CDC42BPA: variants seen among roughly 807,000 people sequenced by gnomAD.
CDC42BPA encodes CDC42 binding protein kinase alpha.
Under a neutral mutation model 223.5 loss-of-function variants are expected in CDC42BPA, and 80 were observed. The ratio of observed to expected loss-of-function variants is 0.36; its 90% CI spans 0.30 to 0.43. The LOEUF is 0.43. CDC42BPA is among the 20% of genes least tolerant of loss of function. The pLI is 1.00. For synonymous variants in CDC42BPA, 694 were observed against 718.6 expected, an observed-to-expected ratio of 0.97 and a Z score of 0.55; for missense variants, 1,743 against 2,099.9, an observed-to-expected ratio of 0.83 and a Z score of 3.32.
At chr1:227,043,840 G>A (rs1315861416) in intron 23 of CDC42BPA, among the ~76,000 whole-genome samples, 1 of 152,098 alleles carries the variant, frequency 6.6e-6, no homozygotes, top group Non-Finnish European at 1.5e-5. Context: ...GTTGCCTAAT[G>A]AATCTGTATG....
intron 22 of CDC42BPA, 62 bp from the exon 23 acceptor site, chr1:227,048,072 A>G: frequency 1.0e-6 from 1 of 984,680 alleles, no homozygotes; most frequent in South Asian, 1.7e-5. Context: ...TTCAAATATA[A>G]CTAGAAAGAA....
intron 14 of CDC42BPA, among the ~76,000 whole-genome samples, chr1:227,110,419 G>A (rs1254991380): frequency 6.6e-6 from 1 of 152,036 alleles, no homozygotes; most frequent in Non-Finnish European, 1.5e-5. Flanking sequence ...TTGGCAAGTA[G>A]GTAAACATGA....
Position 226,993,467 on chromosome 1 carries a change from T to C in CDC42BPA, c.*801A>G, listed in dbSNP as rs1660994537. On this transcript the variant is annotated 3_prime_UTR_variant, in exon 37 of 37. Coordinates refer to ENST00000366766, the MANE Select transcript of CDC42BPA (RefSeq NM_001394014.1). ...ATGCCCCAAACCAGCAAAACCTGGC[T>C]CTGCAAGTGTTTTCTACAGCTCCCC... 1 of 152,414 alleles carries C rather than the reference T, an allele frequency of 6.6e-6. No individual in the cohort carries two copies. The highest frequency in any genetic ancestry group is 2.1e-4 in the South Asian group (1 of 4,830). 9.4% of individuals were successfully genotyped at this position (152,414 alleles called of 1,614,324 possible). A position where few individuals can be genotyped will look rare whatever the true frequency, so the allele number is the denominator to read the frequency against.
intron 1 of CDC42BPA, among the ~76,000 whole-genome samples, chr1:227,288,294 G>A (rs1419076387): frequency 6.6e-6 from 1 of 152,164 alleles, no homozygotes; most frequent in Non-Finnish European, 1.5e-5. Context: ...AGGATCACTT[G>A]AGCCCAGGAG....
intron 23 of CDC42BPA, among the ~76,000 whole-genome samples, chr1:227,044,444 C>A (rs1572449699): frequency 6.6e-6 from 1 of 152,230 alleles, no homozygotes; most frequent in African/African-American, 2.4e-5. Flanking sequence ...TTTTTAAAAT[C>A]AAATTAATAC....
At chr1:227,155,089 A>C (rs1235374649) in intron 6 of CDC42BPA, among the ~76,000 whole-genome samples, 1 of 152,188 alleles carries the variant, frequency 6.6e-6, no homozygotes, top group African/African-American at 2.4e-5. Context: ...ACTTGGGAAA[A>C]GCTCGTAGAT....
At chr1:227,133,899 C>T (rs976572477) in intron 10 of CDC42BPA, among the ~76,000 whole-genome samples, 5 of 151,884 alleles carry the variant, frequency 3.3e-5, no homozygotes, top group African/African-American at 1.2e-4. Flanking sequence ...GACATTCCCT[C>T]CACTATTGTC....
chr1:227,076,673 A>G (rs1679550261), intron 17 of CDC42BPA, among the ~76,000 whole-genome samples: 1 of 152,166 alleles, frequency 6.6e-6, no homozygotes, highest in Admixed American at 6.5e-5. Flanking sequence ...ATTTGGCTAA[A>G]TCATTCAAAT....
At chr1:227,139,534 A>G (rs1659289117) in intron 10 of CDC42BPA, 42 bp downstream of exon 10, 2 of 1,287,646 alleles carry the variant, frequency 1.6e-6, no homozygotes, top group Non-Finnish European at 1.1e-6. Flanking sequence ...TAACACTGTG[A>G]GTACAATTCA....
chr1:227,029,056 G>A lies in CDC42BPA; in HGVS notation c.4033C>T (p.Arg1345Cys), dbSNP rs371007688. The A allele has an allele frequency of 3.2e-5, 51 of 1,613,850 alleles. 1 individual carries two copies. Among genetic ancestry groups the A allele is most frequent in the East Asian group, 1.3e-4 (6 of 44,892 alleles). The change falls in exon 30 of 37, where the codon CGC (arginine) becomes TGC (cysteine). Residue 1345 changes from arginine (R) to cysteine (C), a missense_variant. By Grantham distance (180) the Arg-to-Cys change is radical. This residue lies in a region of CDC42BPA where 678 missense variants were observed against 777.5 expected (regional missense o/e 0.87). Coordinates refer to ENST00000366766, the MANE Select transcript of CDC42BPA (RefSeq NM_001394014.1). ...CACAGGCATGTGAGAGCTCCATGGC[G>A]CACCTTTCCAGAAGTTACGGTTTGA... is the stretch of plus-strand genomic sequence containing the variant. ...GCQTVTSGKV[R>C]HGALTCLCVA...
At chr1:227,193,593 C>A in intron 5 of CDC42BPA, 193 bp downstream of exon 5, 1 of 526,666 alleles carries the variant, frequency 1.9e-6, no homozygotes, top group Non-Finnish European at 3.3e-6. Flanking sequence ...TATAAGCAGG[C>A]ACATCGGTTC....
intron 1 of CDC42BPA, among the ~76,000 whole-genome samples, chr1:227,306,040 G>A (rs1692476672): frequency 6.6e-6 from 1 of 151,836 alleles, no homozygotes; most frequent in African/African-American, 2.4e-5. Flanking sequence ...TGTATGGCAT[G>A]CTAAAGAGGA....
In CDC42BPA at chr1:227,187,689, C is replaced by CA. The variant is rs57854182; in HGVS notation, c.599+6096dup. On this transcript the variant is annotated intron_variant, in intron 5 of 36. Coordinates refer to ENST00000366766, the MANE Select transcript of CDC42BPA (RefSeq NM_001394014.1). ...TAAATGGCACCCCCCACCCCCCCCC[C>CA]AAAAAAAAAAAACTATACCTAGGCA... 5.3e-3 allele frequency among the ~76,000 whole-genome samples: 298 copies of CA among 56,190 alleles called. 4 individuals carry two copies. The Middle Eastern group carries it at 0.069, about 13-fold the overall frequency. The allele number at this position is 56,190 out of a possible 152,430, so 36.9% of individuals were successfully genotyped here.
At chr1:227,135,637 G>A (rs141407685) in intron 10 of CDC42BPA, among the ~76,000 whole-genome samples, 2,312 of 152,056 alleles carry the variant, frequency 0.015, 22 homozygotes, top group Middle Eastern at 0.027. Context: ...GGCGGATCAC[G>A]AGGTCAGGAG....
intron 11 of CDC42BPA, among the ~76,000 whole-genome samples, chr1:227,123,859 G>C (rs1689094520): frequency 1.3e-5 from 2 of 152,022 alleles, no homozygotes; most frequent in Admixed American, 1.3e-4. Flanking sequence ...GAGAGAGAGT[G>C]TGTGTGTGTT....
chr1:227,242,994 G>GA (rs1327929185), intron 2 of CDC42BPA, among the ~76,000 whole-genome samples: 1 of 151,966 alleles, frequency 6.6e-6, no homozygotes, highest in African/African-American at 2.4e-5. Context: ...TGCAGCCACA[G>GA]AAAAAAAATG....
At chr1:227,057,365 G>GTTAT (rs5781459) in intron 21 of CDC42BPA, among the ~76,000 whole-genome samples, 95,721 of 151,584 alleles carry the variant, frequency 0.63, 30,329 homozygotes, top group East Asian at 0.72. Context: ...ACATTTCATA[G>GTTAT]TTAATTTTAA....
chr1:227,234,056 T>C (rs1678536438), intron 2 of CDC42BPA, among the ~76,000 whole-genome samples: 1 of 152,208 alleles, frequency 6.6e-6, no homozygotes, highest in Admixed American at 6.5e-5. Context: ...TTTTTTTATG[T>C]TGTTCAAGTG....
At chr1:227,253,603 AATAAATACATACATAC>A (rs1390818350) in intron 2 of CDC42BPA, among the ~76,000 whole-genome samples, 24 of 109,466 alleles carry the variant, frequency 2.2e-4, no homozygotes, top group Non-Finnish European at 4.8e-4. Context: ...CTCAAAAATA[AATAAATACATACATAC>A]ATACATACAT....
Sources: allele counts gnomAD v4.1 joint callset (sites outside exome capture counted in the v4.1 genomes callset), GRCh38; gene constraint gnomAD v4.1.1; regional missense constraint gnomAD v4.1.1; transcripts MANE v1.5; gene names NCBI Gene and HGNC (gene_info 2026-07-23, HGNC 2026-07-21).